The following KALRN variants were observed in gnomAD, a reference collection of about 807,000 sequenced individuals.
KALRN encodes the protein kalirin RhoGEF kinase.
In KALRN, 70 loss-of-function variants were observed where a neutral mutation model predicts 353.7. The observed-to-expected ratio is 0.20, with a 90% confidence interval of 0.16 to 0.24. The LOEUF is 0.24. KALRN is among the 10% of genes least tolerant of loss of function. The pLI is 1.00. For missense variants in KALRN, 2,791 were observed against 3,756.7 expected, an observed-to-expected ratio of 0.74 and a Z score of 6.72; for synonymous variants, 1,391 against 1,434.8, an observed-to-expected ratio of 0.97 and a Z score of 0.69.
intron 34 of KALRN, among the ~76,000 whole-genome samples, chr3:124,607,310 A>G (rs558177193): frequency 1.2e-5 from 1 of 85,576 alleles, no homozygotes; most frequent in East Asian, 6.5e-4. Context: ...ACGACATAGT[A>G]TAAACATTGT....
intron 33 of KALRN, among the ~76,000 whole-genome samples, chr3:124,552,927 G>C (rs535542580): frequency 9.9e-5 from 15 of 152,036 alleles, no homozygotes; most frequent in Admixed American, 6.6e-4. Flanking sequence ...CACCATGCCC[G>C]GCTAATTTTT....
Position 124,619,992 on chromosome 3 carries a change from C to T in KALRN, c.5183-12428C>T, listed in dbSNP as rs114165308. Among the ~76,000 whole-genome samples the T allele has an allele frequency of 9.2e-4, 139 of 151,052 alleles. 3 individuals carry two copies. In the East Asian group the frequency reaches 0.025, roughly 27 times the overall value. ...AAACCATTTTGGTTTTTTTTTTTTCCACAATGAAAGGCCTGTATTTTATAC... is the reference window on the plus strand; with the variant it reads ...AAACCATTTTGGTTTTTTTTTTTTCTACAATGAAAGGCCTGTATTTTATAC... On this transcript the variant is annotated intron_variant, in intron 34 of 59. Coordinates refer to ENST00000682506, the MANE Select transcript of KALRN (RefSeq NM_001388419.1).
At chr3:124,275,596 G>C (rs772558662) in intron 5 of KALRN, among the ~76,000 whole-genome samples, 6 of 152,146 alleles carry the variant, frequency 3.9e-5, no homozygotes, top group Non-Finnish European at 7.3e-5. Context: ...ATGGTGCCTG[G>C]CCCAGCATAG....
At chr3:124,193,587 A>G (rs957203861) in intron 1 of KALRN, among the ~76,000 whole-genome samples, 4 of 151,880 alleles carry the variant, frequency 2.6e-5, no homozygotes, top group Non-Finnish European at 5.9e-5. Flanking sequence ...TCCTTTCTAC[A>G]TATACAATCA....
At chr3:124,112,919 T>TG (rs1308008869) in intron 1 of KALRN, among the ~76,000 whole-genome samples, 1 of 152,188 alleles carries the variant, frequency 6.6e-6, no homozygotes, top group Non-Finnish European at 1.5e-5. Context: ...ATGTACTACA[T>TG]AACTGCATGT....
intron 1 of KALRN, among the ~76,000 whole-genome samples, chr3:124,078,277 G>A (rs2060360809): frequency 6.6e-6 from 1 of 152,156 alleles, no homozygotes; most frequent in Non-Finnish European, 1.5e-5. Flanking sequence ...GACTCATTCT[G>A]TACTATACTA....
intron 33 of KALRN, among the ~76,000 whole-genome samples, chr3:124,533,617 C>T (rs549891478): frequency 1.3e-5 from 2 of 152,260 alleles, no homozygotes; most frequent in African/African-American, 4.8e-5. Flanking sequence ...TGCACTCCAG[C>T]CCGGGTGATG....
chr3:124,219,294 C>T (rs747736873), intron 1 of KALRN, among the ~76,000 whole-genome samples: 7 of 152,206 alleles, frequency 4.6e-5, no homozygotes, highest in Non-Finnish European at 7.3e-5. Flanking sequence ...CAGTGATATA[C>T]TGAGGCAGAG....
intron 3 of KALRN, among the ~76,000 whole-genome samples, chr3:124,246,342 CT>C (rs1158998323): frequency 3.9e-4 from 59 of 152,384 alleles, no homozygotes; most frequent in African/African-American, 9.9e-4. Flanking sequence ...GTCACAGGGC[CT>C]GCTCTGCAGG....
At chr3:124,327,180 A>G (rs1196578144) in intron 7 of KALRN, among the ~76,000 whole-genome samples, 1 of 152,236 alleles carries the variant, frequency 6.6e-6, no homozygotes, top group Non-Finnish European at 1.5e-5. Context: ...GTGTTTGAAA[A>G]TGCAGACTAA....
chr3:124,125,461 A>C (rs2064542225), intron 1 of KALRN, among the ~76,000 whole-genome samples: 1 of 152,230 alleles, frequency 6.6e-6, no homozygotes, highest in African/African-American at 2.4e-5. Flanking sequence ...GAGATGGTGT[A>C]GTGAATGAGC....
intron 1 of KALRN, among the ~76,000 whole-genome samples, chr3:124,086,080 T>G (rs1427786417): frequency 6.6e-6 from 1 of 152,148 alleles, no homozygotes; most frequent in East Asian, 1.9e-4. Context: ...TGTGTCATAG[T>G]TTATCTTATT....
At chr3:124,193,317 C>T (rs2075121427) in intron 1 of KALRN, among the ~76,000 whole-genome samples, 1 of 152,068 alleles carries the variant, frequency 6.6e-6, no homozygotes, top group African/African-American at 2.4e-5. Context: ...AGAAATGAGG[C>T]TCAGCTGTCC....
At chr3:124,151,048 A>G (rs777027444) in intron 1 of KALRN, among the ~76,000 whole-genome samples, 17 of 152,200 alleles carry the variant, frequency 1.1e-4, no homozygotes, top group Non-Finnish European at 2.1e-4. Flanking sequence ...ATTTATTTCT[A>G]TATTGTATAA....
chr3:124,339,884 A>G (rs1441997735), intron 9 of KALRN, among the ~76,000 whole-genome samples: 1 of 152,224 alleles, frequency 6.6e-6, no homozygotes, highest in Non-Finnish European at 1.5e-5. Context: ...ACCTATTTCA[A>G]ATAAGATGAC....
chr3:124,715,854 G>A (rs1404656699), intron 58 of KALRN, among the ~76,000 whole-genome samples: 1 of 152,184 alleles, frequency 6.6e-6, no homozygotes, highest in Non-Finnish European at 1.5e-5. Context: ...GCTGAGAATA[G>A]TTACCATTTA....
At chr3:124,186,200 A>G (rs1214967325) in intron 1 of KALRN, among the ~76,000 whole-genome samples, 1 of 152,196 alleles carries the variant, frequency 6.6e-6, no homozygotes, top group Non-Finnish European at 1.5e-5. Flanking sequence ...TGCCCTTAGA[A>G]TAATGCAGCC....
chr3:124,595,338 TC>T (rs1259536464), intron 34 of KALRN, among the ~76,000 whole-genome samples: 14 of 152,308 alleles, frequency 9.2e-5, no homozygotes, highest in Middle Eastern at 3.4e-3. Context: ...AGTCAGGATT[TC>T]CAGAGCAGAT....
chr3:124,700,081 C>G, intron 56 of KALRN, 48 bp downstream of exon 56: 1 of 1,587,166 alleles, frequency 6.3e-7, no homozygotes, highest in Non-Finnish European at 8.6e-7. Context: ...GATTGAGGCA[C>G]CTGGCTGCCT....
Sources: gnomAD v4.1 joint callset for allele counts (sites outside exome capture counted in the v4.1 genomes callset) on GRCh38, gnomAD v4.1.1 for gene constraint, MANE v1.5 for transcripts, NCBI Gene and HGNC (gene_info 2026-07-23, HGNC 2026-07-21) for gene names.